Variants in CHD9 observed in about 807,000 individuals in gnomAD.
CHD9 encodes ATP-dependent chromatin remodeler CHD9.
CHD9 carries 77 observed loss-of-function variants against 316.1 expected under a neutral mutation model. The ratio of observed to expected loss-of-function variants is 0.24; its 90% CI spans 0.20 to 0.29. The LOEUF is 0.29. Among genes scored for constraint, CHD9 ranks in the 10% least tolerant of loss-of-function variants. The pLI is 1.00. For synonymous variants in CHD9, 1,129 were observed against 1,158.3 expected (o/e 0.97, Z 0.51); for missense variants, 2,763 against 3,438.1 (o/e 0.80, Z 4.91).
chr16:53,304,357 T>A lies in CHD9; in HGVS notation c.6351T>A (p.Ala2117=). 6.2e-7 allele frequency: 1 copy of A among 1,613,378 alleles called. No homozygotes were observed. The highest frequency in any genetic ancestry group is 8.5e-7 in the Non-Finnish European group (1 of 1,179,832). The change falls in exon 31 of 39, where the codon GCT becomes GCA. Residue 2117 remains alanine (A), a synonymous_variant. Coordinates refer to ENST00000447540, the MANE Select transcript of CHD9 (RefSeq NM_001308319.2). The stretch of plus-strand genomic sequence containing the variant: ...CAGAACCCCTAACTCCAAACCCAGC[T>A]TCTAAGAAACCAAGAGTCCACAAAA... ...ARTEPLTPNP[A]SKKPRVHKRG...
chr16:53,055,628 G>A (rs1236194267), intron 1 of CHD9, among the ~76,000 whole-genome samples: 3 of 152,250 alleles, frequency 2.0e-5, no homozygotes, highest in East Asian at 3.9e-4. Flanking sequence ...GAAAAACGGA[G>A]GACATTTGTT....
chr16:53,271,275 C>CA (rs2052232540), intron 22 of CHD9, among the ~76,000 whole-genome samples: 1 of 151,918 alleles, frequency 6.6e-6, no homozygotes, highest in South Asian at 2.1e-4. Flanking sequence ...AAGAGAGAGA[C>CA]AAAAAACCAT....
Position 53,161,945 on chromosome 16 carries a change from G to C in CHD9, c.1452+4404G>C, listed in dbSNP as rs1414992707. On this transcript the variant is annotated intron_variant, in intron 2 of 38. Transcript: ENST00000447540. ...TTTTTGTATTTTTTTGTAGAGATGG[G>C]GTTTTGCCATGTTGGCCAGCCTGGT... 3.9e-5 allele frequency among the ~76,000 whole-genome samples: 6 copies of C among 152,002 alleles called. No homozygotes were observed. The East Asian group carries it at 1.2e-3, about 29-fold the overall frequency.
intron 2 of CHD9, among the ~76,000 whole-genome samples, chr16:53,180,911 G>A (rs990855359): frequency 6.6e-6 from 1 of 151,782 alleles, no homozygotes; most frequent in Non-Finnish European, 1.5e-5. Context: ...TCCTGACCTC[G>A]TGATCCGCCT....
At chr16:53,237,959 A>G (rs1200409930) in intron 11 of CHD9, among the ~76,000 whole-genome samples, 1 of 152,138 alleles carries the variant, frequency 6.6e-6, no homozygotes, top group Admixed American at 6.6e-5. Flanking sequence ...CAGCTTCTGT[A>G]ATAGATACAC....
chr16:53,093,791 C>T (rs912561142), intron 1 of CHD9, among the ~76,000 whole-genome samples: 5 of 152,088 alleles, frequency 3.3e-5, no homozygotes, highest in East Asian at 1.9e-4. Context: ...CCTCCTGGCT[C>T]GTTTCTGTGC....
Position 53,274,309 on chromosome 16 carries a change from T to C in CHD9, c.4967+7T>C. ...TTGATGGAGTTGATGCAAGGTAAGT[T>C]AAACAATTTTTATTATTTTTGTTTG... On this transcript the variant is annotated splice_region_variant and intron_variant, in intron 24 of 38. Transcript: ENST00000447540. The C allele has an allele frequency of 6.5e-7, 1 of 1,530,628 alleles. No individual in the cohort carries two copies. The highest frequency in any genetic ancestry group is 8.9e-7 in the Non-Finnish European group (1 of 1,127,820). The allele number at this position is 1,530,628 out of a possible 1,614,324, so 94.8% of individuals were successfully genotyped here.
At chr16:53,161,212 G>T (rs1004106943) in intron 2 of CHD9, among the ~76,000 whole-genome samples, 1 of 152,120 alleles carries the variant, frequency 6.6e-6, no homozygotes, top group Non-Finnish European at 1.5e-5. Flanking sequence ...TGGTAGAGAG[G>T]ATTATTATGA....
At chr16:53,300,347 C>T (rs972547079) in intron 30 of CHD9, among the ~76,000 whole-genome samples, 6 of 149,696 alleles carry the variant, frequency 4.0e-5, no homozygotes, top group South Asian at 4.2e-4. Flanking sequence ...GGTGAGACTC[C>T]GTCTCAAAAA....
intron 1 of CHD9, among the ~76,000 whole-genome samples, chr16:53,150,299 T>C (rs2040996345): frequency 6.6e-6 from 1 of 152,030 alleles, no homozygotes. Context: ...AATGGTTATG[T>C]TGCGGATTAT....
intron 1 of CHD9, among the ~76,000 whole-genome samples, chr16:53,059,271 T>C (rs201350929): frequency 6.6e-6 from 1 of 151,894 alleles, no homozygotes; most frequent in Non-Finnish European, 1.5e-5. Context: ...AGTGGCAGGG[T>C]GTGGAGAAGA....
Position 53,140,644 on chromosome 16 carries a change from T to C in CHD9, c.-164-15282T>C, listed in dbSNP as rs540475585. 2.0e-5 allele frequency among the ~76,000 whole-genome samples: 3 copies of C among 152,270 alleles called. No homozygotes were observed. The East Asian group carries it at 5.8e-4, about 29-fold the overall frequency. ...GCTCATCTCCTGTGCTGGAGTGCAGTAGCATCGATCGTAGCTCACTGCATC... is the reference window on the plus strand; with the variant it reads ...GCTCATCTCCTGTGCTGGAGTGCAGCAGCATCGATCGTAGCTCACTGCATC... On this transcript the variant is annotated intron_variant, in intron 1 of 38. Transcript: ENST00000447540.
intron 24 of CHD9, among the ~76,000 whole-genome samples, chr16:53,280,078 A>G (rs556384172): frequency 6.6e-6 from 1 of 152,348 alleles, no homozygotes; most frequent in African/African-American, 2.4e-5. Context: ...TGGTGGGAAT[A>G]TAAGCTAGTA....
intron 2 of CHD9, among the ~76,000 whole-genome samples, chr16:53,195,474 T>G (rs1451393690): frequency 6.6e-6 from 1 of 152,174 alleles, no homozygotes; most frequent in Admixed American, 6.5e-5. Flanking sequence ...AGATGGGTTC[T>G]TTTCTCAGGC....
At chr16:53,263,957 T>C (rs2051393442) in intron 20 of CHD9, among the ~76,000 whole-genome samples, 1 of 151,892 alleles carries the variant, frequency 6.6e-6, no homozygotes, top group African/African-American at 2.4e-5. Flanking sequence ...AGAAGATAAA[T>C]ATGCCATTGA....
chr16:53,095,614 C>CT (rs2036312413), intron 1 of CHD9, among the ~76,000 whole-genome samples: 1 of 152,088 alleles, frequency 6.6e-6, no homozygotes, highest in African/African-American at 2.4e-5. Context: ...CTTGGGTATA[C>CT]TTTTTTCTCA....
chr16:53,151,855 A>G (rs371221510), intron 1 of CHD9, among the ~76,000 whole-genome samples: 3 of 152,218 alleles, frequency 2.0e-5, no homozygotes. Context: ...TATCTAAGAC[A>G]CTTGATTTCA....
At chr16:53,155,811 GT>G in intron 1 of CHD9, 114 bp from the exon 2 acceptor site, 1 of 361,294 alleles carries the variant, frequency 2.8e-6, no homozygotes, top group Non-Finnish European at 5.0e-6. Context: ...CATATAATAT[GT>G]GGTATTTTGT....
At chr16:53,061,325 GAAT>G (rs775491477) in intron 1 of CHD9, among the ~76,000 whole-genome samples, 6 of 152,180 alleles carry the variant, frequency 3.9e-5, no homozygotes, top group Non-Finnish European at 8.8e-5. Context: ...CCTGACCTGT[GAAT>G]CTCCATTGAA....
Sources: gnomAD v4.1 joint callset for allele counts (sites outside exome capture counted in the v4.1 genomes callset) on GRCh38, gnomAD v4.1.1 for gene constraint, MANE v1.5 for transcripts, NCBI Gene and HGNC (gene_info 2026-07-23, HGNC 2026-07-21) for gene names.